The following THSD7A variants were observed in gnomAD, a reference collection of about 807,000 sequenced individuals.
THSD7A encodes thrombospondin type-1 domain-containing protein 7A.
THSD7A carries 96 observed loss-of-function variants against 231.3 expected under a neutral mutation model. That is an observed-to-expected ratio of 0.41 (90% CI 0.35 to 0.49). The LOEUF is 0.49. THSD7A is among the 20% of genes least tolerant of loss of function. The pLI is 0.05. For synonymous variants in THSD7A, 940 were observed against 743.3 expected (o/e 1.26, Z -4.30); for missense variants, 2,290 against 2,070.2 (o/e 1.11, Z -2.06).
chr7:11,780,012 A>G (rs1377461681), intron 1 of THSD7A, among the ~76,000 whole-genome samples: 1 of 152,208 alleles, frequency 6.6e-6, no homozygotes, highest in Non-Finnish European at 1.5e-5. Context: ...TAAACAGCCA[A>G]CACTTGTTTT....
chr7:11,795,530 T>A (rs1784098332), intron 1 of THSD7A, among the ~76,000 whole-genome samples: 1 of 152,030 alleles, frequency 6.6e-6, no homozygotes, highest in African/African-American at 2.4e-5. Context: ...CTAGTACAAT[T>A]TGTAGGTCGC....
intron 1 of THSD7A, among the ~76,000 whole-genome samples, chr7:11,789,009 G>A (rs1783872786): frequency 6.6e-6 from 1 of 151,922 alleles, no homozygotes; most frequent in Non-Finnish European, 1.5e-5. Context: ...TAAACCAAGT[G>A]AAGTGATTGA....
At chr7:11,546,480 C>T (rs528435014) in intron 4 of THSD7A, among the ~76,000 whole-genome samples, 8 of 152,236 alleles carry the variant, frequency 5.3e-5, no homozygotes, top group South Asian at 4.2e-4. Flanking sequence ...TGAAATCACC[C>T]GGAAATGAAG....
chr7:11,518,231 G>A (rs1438486264), intron 6 of THSD7A, among the ~76,000 whole-genome samples: 1 of 152,138 alleles, frequency 6.6e-6, no homozygotes, highest in Non-Finnish European at 1.5e-5. Flanking sequence ...ACACAATTAA[G>A]TATAACAAGA....
Position 11,541,643 on chromosome 7 carries a change from G to C in THSD7A, c.1610-12C>G, listed in dbSNP as rs761214013. On this transcript the variant is annotated splice_polypyrimidine_tract_variant and intron_variant, in intron 5 of 27. Transcript: ENST00000423059. ...CCTCAGTTTGAAGCCTGAATTATGGGGGAAGGAAAAATCTATTGTTACTAT... is the reference window on the plus strand; with the variant it reads ...CCTCAGTTTGAAGCCTGAATTATGGCGGAAGGAAAAATCTATTGTTACTAT... 1 of 1,610,628 alleles carries C rather than the reference G, an allele frequency of 6.2e-7. No individual in the cohort carries two copies. The highest frequency in any genetic ancestry group is 2.2e-5 in the East Asian group (1 of 44,846).
Position 11,636,194 on chromosome 7 carries a change from G to A in THSD7A, c.958C>T (p.Gln320Ter). ...NRQENKYWDI[Q>*]IGYQTREVMC... ...ACCTCTCTGGTCTGATATCCAATCT[G>A]GATGTCCCAATATTTGTTCTCTTGT... Residue 320 changes from glutamine (Q) to a stop codon, truncating the protein, a stop_gained, in exon 2 of 28, where the codon CAG becomes TAG. Coordinates refer to ENST00000423059, the MANE Select transcript of THSD7A (RefSeq NM_015204.3). LOFTEE classifies it high-confidence loss of function. The surrounding 1 kb of genome is among the most constrained non-coding windows in gnomAD (Gnocchi z 10.0). The A allele has an allele frequency of 6.2e-7, 1 of 1,614,000 alleles. No individual in the cohort carries two copies.
chr7:11,457,387 A>G (rs1480152394), intron 11 of THSD7A, among the ~76,000 whole-genome samples: 2 of 152,096 alleles, frequency 1.3e-5, no homozygotes, highest in East Asian at 3.9e-4. Flanking sequence ...CATATGATCA[A>G]CTTTGACTCT....
At chr7:11,793,236 T>A (rs1320573511) in intron 1 of THSD7A, among the ~76,000 whole-genome samples, 6 of 152,020 alleles carry the variant, frequency 3.9e-5, no homozygotes, top group Non-Finnish European at 2.9e-5. Flanking sequence ...ATGATAGACT[T>A]ATTGTCTACT....
chr7:11,498,045 G>A (rs1407011199), intron 6 of THSD7A, among the ~76,000 whole-genome samples: 1 of 152,204 alleles, frequency 6.6e-6, no homozygotes, highest in Non-Finnish European at 1.5e-5. Context: ...AGGCATGTGT[G>A]AAGACCCTGG....
intron 4 of THSD7A, among the ~76,000 whole-genome samples, chr7:11,561,286 A>G (rs7801339): frequency 0.23 from 34,704 of 152,086 alleles, 4,482 homozygotes; most frequent in Admixed American, 0.41. Context: ...TGTTAATATA[A>G]TGTCATGTAG....
intron 1 of THSD7A, among the ~76,000 whole-genome samples, chr7:11,746,982 A>T (rs146289815): frequency 6.6e-6 from 1 of 152,032 alleles, no homozygotes; most frequent in African/African-American, 2.4e-5. Context: ...CTCACATGTG[A>T]GCATATCCAC....
At chr7:11,492,225 A>G (rs1786923977) in intron 6 of THSD7A, among the ~76,000 whole-genome samples, 1 of 152,002 alleles carries the variant, frequency 6.6e-6, no homozygotes, top group Non-Finnish European at 1.5e-5. Context: ...CTGTGCCTTT[A>G]TCAACTCTTA....
At chr7:11,460,592 G>C in intron 11 of THSD7A, 70 bp downstream of exon 11, 1 of 1,241,054 alleles carries the variant, frequency 8.1e-7, no homozygotes, top group Non-Finnish European at 1.1e-6. Context: ...GTGTCCAAGT[G>C]GCAAATGCAT....
At chr7:11,535,920 C>T (rs891363866) in intron 6 of THSD7A, among the ~76,000 whole-genome samples, 1 of 152,080 alleles carries the variant, frequency 6.6e-6, no homozygotes, top group Admixed American at 6.6e-5. Flanking sequence ...CTACCACTCT[C>T]CCTTGTACAT....
At chr7:11,629,277 C>A (rs1057483684) in intron 2 of THSD7A, among the ~76,000 whole-genome samples, 10 of 152,148 alleles carry the variant, frequency 6.6e-5, no homozygotes, top group African/African-American at 2.4e-4. Flanking sequence ...ACATAATATA[C>A]TGCCTGGTCA....
At chr7:11,509,025 A>G (rs1013262483) in intron 6 of THSD7A, among the ~76,000 whole-genome samples, 4 of 152,212 alleles carry the variant, frequency 2.6e-5, no homozygotes, top group African/African-American at 9.6e-5. Context: ...CACTATACCA[A>G]CAGCCAAGAA....
At chr7:11,502,369 T>C (rs1044262926) in intron 6 of THSD7A, among the ~76,000 whole-genome samples, 1 of 152,084 alleles carries the variant, frequency 6.6e-6, no homozygotes, top group East Asian at 1.9e-4. Context: ...TTGATGAACA[T>C]CGATGCAACT....
intron 6 of THSD7A, among the ~76,000 whole-genome samples, chr7:11,489,010 C>G (rs939461842): frequency 6.6e-6 from 1 of 152,098 alleles, no homozygotes; most frequent in Admixed American, 6.6e-5. Flanking sequence ...GCCCTGTCTG[C>G]TCCCATAGCA....
At chr7:11,553,301 G>A (rs987818517) in intron 4 of THSD7A, among the ~76,000 whole-genome samples, 1 of 152,038 alleles carries the variant, frequency 6.6e-6, no homozygotes. Flanking sequence ...TTCCTTTGGT[G>A]ATTTTCATTA....
Sources: gnomAD v4.1 joint callset for allele counts (sites outside exome capture counted in the v4.1 genomes callset) on GRCh38, gnomAD v4.1.1 for gene constraint, Gnocchi (gnomAD v3.1) non-coding constraint, MANE v1.5 for transcripts, NCBI Gene and HGNC (gene_info 2026-07-23, HGNC 2026-07-21) for gene names.